CLASP1: variants seen among roughly 807,000 people sequenced by gnomAD.
CLASP1 encodes the protein CLIP-associating protein 1.
Under a neutral mutation model 192.3 loss-of-function variants are expected in CLASP1, and 38 were observed. The observed-to-expected ratio is 0.20, with a 90% CI of 0.15 to 0.26. The LOEUF (loss-of-function observed/expected upper bound fraction) is 0.26, where lower values mean the gene tolerates loss of function less well. CLASP1 is among the 10% of genes least tolerant of loss of function. The pLI is 1.00. For synonymous variants in CLASP1, 691 were observed against 712.8 expected, an observed-to-expected ratio of 0.97 and a Z score of 0.49; for missense variants, 1,433 against 1,932.5, an observed-to-expected ratio of 0.74 and a Z score of 4.85.
chr2:121,446,364 A>G (rs1342442861), intron 19 of CLASP1, among the ~76,000 whole-genome samples: 1 of 152,250 alleles, frequency 6.6e-6, no homozygotes, highest in Non-Finnish European at 1.5e-5. Context: ...ACTCCAGGTC[A>G]CAGAGCGAAT....
In CLASP1 at chr2:121,479,051, C is replaced by A. The variant is rs866133138; in HGVS notation, c.713-9091G>T. 4.9e-4 allele frequency among the ~76,000 whole-genome samples: 47 copies of A among 96,872 alleles called. 2 individuals carry two copies. The highest frequency in any genetic ancestry group is 1.9e-3 in the African/African-American group (45 of 23,158). 63.6% of individuals were successfully genotyped at this position (96,872 alleles called of 152,430 possible). On this transcript the variant is annotated intron_variant, in intron 8 of 39. Transcript: ENST00000263710. ...ACACACCCCACACACACACACACCC[C>A]CCCCCCACACACACACACACACACC...
At chr2:121,518,391 A>T (rs2094376037) in intron 6 of CLASP1, among the ~76,000 whole-genome samples, 1 of 152,096 alleles carries the variant, frequency 6.6e-6, no homozygotes, top group Non-Finnish European at 1.5e-5. Context: ...GATGGCAGCC[A>T]TCTACAAGCC....
Position 121,568,226 on chromosome 2 carries a change from A to G in CLASP1, c.195+37475T>C, listed in dbSNP as rs371557139. On this transcript the variant is annotated intron_variant, in intron 2 of 39. Coordinates refer to ENST00000263710, the Ensembl canonical transcript of CLASP1. Reference sequence around the variant, plus strand: ...GTCCAGCCAGAATTGGTTCAGTATGATTCAGAGTTCAGAGACAGCACATTA... The same window carrying G: ...GTCCAGCCAGAATTGGTTCAGTATGGTTCAGAGTTCAGAGACAGCACATTA... 4.9e-4 allele frequency among the ~76,000 whole-genome samples: 75 copies of G among 152,202 alleles called. No individual in the cohort carries two copies. The East Asian group carries it at 9.1e-3, about 18-fold the overall frequency.
chr2:121,478,913 AC>A (rs2092251573), intron 8 of CLASP1, among the ~76,000 whole-genome samples: 4 of 52,376 alleles, frequency 7.6e-5, no homozygotes, highest in African/African-American at 3.6e-4. Flanking sequence ...CACCACACAC[AC>A]CACACACACA....
chr2:121,451,327 G>A (rs1046974763), intron 15 of CLASP1, among the ~76,000 whole-genome samples: 2 of 152,152 alleles, frequency 1.3e-5, no homozygotes, highest in African/African-American at 4.8e-5. Context: ...AACAACAAAA[G>A]CTTGTGTTTT....
chr2:121,522,138 G>A lies in CLASP1; in HGVS notation c.546+3707C>T, dbSNP rs182744581. Among the ~76,000 whole-genome samples, 266 of 152,194 alleles carry A rather than the reference G, an allele frequency of 1.7e-3. 1 individual carries two copies. Among genetic ancestry groups the A allele is most frequent in the African/African-American group, 5.6e-3 (233 of 41,518 alleles). ...TATGTCTGTGTATGTGTGTGTGTGC[G>A]CGCACGTGTGCAAATATATGTGCGG... On this transcript the variant is annotated intron_variant, in intron 6 of 39. Transcript: ENST00000263710.
chr2:121,613,649 T>C (rs1311354523), intron 1 of CLASP1, among the ~76,000 whole-genome samples: 1 of 151,070 alleles, frequency 6.6e-6, no homozygotes, highest in African/African-American at 2.4e-5. Context: ...AAATAGCACC[T>C]ATCTCCAGCC....
chr2:121,480,581 C>A (rs1575313262), intron 8 of CLASP1, among the ~76,000 whole-genome samples: 1 of 152,178 alleles, frequency 6.6e-6, no homozygotes, highest in Admixed American at 6.5e-5. Context: ...TCAGCAAGAC[C>A]AACCTCATTT....
At chr2:121,340,845 G>C in exon 40 of CLASP1, 1 of 1,602,556 alleles carries the variant, frequency 6.2e-7, no homozygotes, top group Non-Finnish European at 8.5e-7. Context: ...GTCTACACAA[G>C]AGACAGGTAC....
exon 38 of CLASP1, chr2:121,348,712 T>G: frequency 6.2e-7 from 1 of 1,600,986 alleles, no homozygotes; most frequent in Non-Finnish European, 8.5e-7. Context: ...TCAGCCGCTC[T>G]CACCACCTGA....
At chr2:121,503,185 T>C (rs2093818723) in exon 8 of CLASP1, 8 of 1,550,548 alleles carry the variant, frequency 5.2e-6, no homozygotes, top group Non-Finnish European at 7.0e-6. Flanking sequence ...GATTGTATCA[T>C]GTTTCCAGAT....
chr2:121,478,937 C>A (rs2092266516), intron 8 of CLASP1, among the ~76,000 whole-genome samples: 1 of 38,846 alleles, frequency 2.6e-5, no homozygotes, highest in African/African-American at 1.1e-4. Context: ...ACACAACACC[C>A]CCCACACACA....
exon 39 of CLASP1, chr2:121,347,098 T>C: frequency 1.9e-6 from 3 of 1,588,312 alleles, no homozygotes; most frequent in Non-Finnish European, 2.6e-6. Context: ...CGGAATAAAT[T>C]GCCACTAAGC....
chr2:121,526,759 T>C (rs1239702485), intron 5 of CLASP1, among the ~76,000 whole-genome samples: 1 of 152,204 alleles, frequency 6.6e-6, no homozygotes, highest in African/African-American at 2.4e-5. Flanking sequence ...AACAGAATCA[T>C]AGCAATCTTT....
chr2:121,635,559 A>C (rs2070682162), intron 1 of CLASP1, among the ~76,000 whole-genome samples: 1 of 152,228 alleles, frequency 6.6e-6, no homozygotes, highest in African/African-American at 2.4e-5. Flanking sequence ...TATAGATTAC[A>C]AAACGGACTC....
chr2:121,405,060 G>A (rs1477370987), intron 25 of CLASP1, among the ~76,000 whole-genome samples: 2 of 152,224 alleles, frequency 1.3e-5, no homozygotes, highest in African/African-American at 4.8e-5. Context: ...TGTAATCCCA[G>A]CACTTTGGGA....
intron 2 of CLASP1, among the ~76,000 whole-genome samples, chr2:121,540,174 A>G (rs1406981650): frequency 6.6e-6 from 1 of 152,232 alleles, no homozygotes; most frequent in Non-Finnish European, 1.5e-5. Context: ...ACAGTAGCCA[A>G]AAACTAGAAA....
In CLASP1 at chr2:121,367,840, C is replaced by T. The variant is rs771129609; in HGVS notation, c.3643-9G>A. 3.1e-6 allele frequency: 5 copies of T among 1,612,204 alleles called. No homozygotes were observed. In the Admixed American group the frequency reaches 8.3e-5, roughly 27 times the overall value. On this transcript the variant is annotated splice_polypyrimidine_tract_variant and intron_variant, in intron 34 of 39. Transcript: ENST00000263710. ...CCCCCATCGCGGGACACCTGCAGCA[C>T]AGCACACTGTCAGTTCCCTTCTGGG...
intron 23 of CLASP1, 55 bp from the exon 25 acceptor site, chr2:121,411,024 T>A (rs767435474): frequency 6.0e-6 from 7 of 1,174,250 alleles, no homozygotes; most frequent in Non-Finnish European, 7.3e-6. Context: ...TTATTTCAAT[T>A]CCTTGCAAGG....
Sources: allele counts gnomAD v4.1 joint callset (sites outside exome capture counted in the v4.1 genomes callset), GRCh38; gene constraint gnomAD v4.1.1; transcripts MANE v1.5; gene names NCBI Gene and HGNC (gene_info 2026-07-23, HGNC 2026-07-21).